The following PTPRJ variants were observed in gnomAD, a reference collection of about 807,000 sequenced individuals.
The protein encoded by PTPRJ is receptor-type tyrosine-protein phosphatase eta.
Under a neutral mutation model 141.3 loss-of-function variants are expected in PTPRJ, and 129 were observed. The observed-to-expected ratio is 0.91, with a 90% confidence interval of 0.79 to 1.06. The LOEUF (loss-of-function observed/expected upper bound fraction) is 1.06, where lower values mean the gene tolerates loss of function less well. Ranked by LOEUF, PTPRJ falls within the 50% of genes least tolerant of loss-of-function variation. The pLI is 0.00. For synonymous variants in PTPRJ, 610 were observed against 640.5 expected, an observed-to-expected ratio of 0.95 and a Z score of 0.72; for missense variants, 1,601 against 1,679.7, an observed-to-expected ratio of 0.95 and a Z score of 0.82.
intron 7 of PTPRJ, among the ~76,000 whole-genome samples, chr11:48,130,102 T>C (rs1034992419): frequency 1.1e-4 from 16 of 151,064 alleles, no homozygotes; most frequent in African/African-American, 3.9e-4. Context: ...TGTCCCTCCC[T>C]GAACAGAGGC....
rs973128914 is a variant in PTPRJ at position 48,056,712 on chromosome 11, G to A, written c.97-53346G>A. ...TCATGCCCGTAATCCCAGCACTTTG[G>A]GAGGCCGAGGTAGGCGGATCATCTG... On this transcript the variant is annotated intron_variant, in intron 1 of 24. Transcript: ENST00000418331. Among the ~76,000 whole-genome samples the A allele has an allele frequency of 2.6e-5, 4 of 152,266 alleles. No individual in the cohort carries two copies. The South Asian group carries it at 6.2e-4, about 24-fold the overall frequency.
intron 1 of PTPRJ, among the ~76,000 whole-genome samples, chr11:48,029,820 C>T (rs1235207854): frequency 3.3e-5 from 5 of 152,166 alleles, no homozygotes; most frequent in African/African-American, 9.6e-5. Context: ...TCTTTAGCTG[C>T]GTAAGAGAAA....
chr11:48,079,723 C>T (rs937958259), intron 1 of PTPRJ, among the ~76,000 whole-genome samples: 1 of 152,084 alleles, frequency 6.6e-6, no homozygotes, highest in African/African-American at 2.4e-5. Flanking sequence ...GGTGTTGGAG[C>T]TCTTTGTTTC....
chr11:48,150,220 G>A, intron 18 of PTPRJ, 37 bp downstream of exon 18: 1 of 1,580,824 alleles, frequency 6.3e-7, no homozygotes, highest in Non-Finnish European at 8.7e-7. Flanking sequence ...ATTGTGTCAG[G>A]TTCCAACCCA....
At chr11:48,084,500 C>T (rs1347558228) in intron 1 of PTPRJ, among the ~76,000 whole-genome samples, 2 of 152,098 alleles carry the variant, frequency 1.3e-5, no homozygotes, top group African/African-American at 4.8e-5. Context: ...AAATTTCTGG[C>T]CCATGTCCCC....
At chr11:47,987,115 G>A (rs1175923828) in intron 1 of PTPRJ, among the ~76,000 whole-genome samples, 3 of 152,060 alleles carry the variant, frequency 2.0e-5, no homozygotes, top group Non-Finnish European at 4.4e-5. Flanking sequence ...GGCTGAGTTG[G>A]GAGGATGGCT....
chr11:48,139,919 C>T (rs1382573563), intron 11 of PTPRJ, 143 bp downstream of exon 11: 1 of 875,246 alleles, frequency 1.1e-6, no homozygotes, highest in African/African-American at 1.7e-5. Context: ...CTGACATAGA[C>T]TGGTTTCTCA....
intron 1 of PTPRJ, among the ~76,000 whole-genome samples, chr11:48,004,385 C>T (rs533783360): frequency 6.6e-6 from 1 of 152,286 alleles, no homozygotes; most frequent in South Asian, 2.1e-4. Context: ...GAATTAAGGA[C>T]ATCGTTTTGT....
intron 1 of PTPRJ, among the ~76,000 whole-genome samples, chr11:48,105,481 A>C (rs1397166572): frequency 6.6e-6 from 1 of 152,162 alleles, no homozygotes; most frequent in African/African-American, 2.4e-5. Context: ...TCAGTGAGGC[A>C]AGAAGAAGGC....
rs180805333 is a variant in PTPRJ at position 48,159,135 on chromosome 11, G to C, written c.3439-795G>C. 2.7e-3 allele frequency among the ~76,000 whole-genome samples: 26 copies of C among 9,808 alleles called. 1 individual carries two copies. Among genetic ancestry groups the C allele is most frequent in the Admixed American group, 6.9e-3 (6 of 868 alleles). 6.4% of individuals were successfully genotyped at this position (9,808 alleles called of 152,430 possible). ...GTGTGTATGTGGGGTGTGTGTGTGT[G>C]TGTGTGTGTGTGTGTGTGTGTGTGT... is the stretch of plus-strand genomic sequence containing the variant. On this transcript the variant is annotated intron_variant, in intron 21 of 24. Transcript: ENST00000418331.
At chr11:48,007,434 TC>T (rs1305191710) in intron 1 of PTPRJ, among the ~76,000 whole-genome samples, 2 of 150,908 alleles carry the variant, frequency 1.3e-5, no homozygotes, top group Non-Finnish European at 2.9e-5. Flanking sequence ...CTTTTTTTTT[TC>T]CTCACTGTGT....
chr11:48,025,318 T>TTG lies in PTPRJ; in HGVS notation c.96+44311_96+44312insGT, dbSNP rs563478771. Among the ~76,000 whole-genome samples the TTG allele has an allele frequency of 8.7e-3, 1,330 of 152,344 alleles. 13 individuals are homozygous for TTG. Among genetic ancestry groups the TTG allele is most frequent in the Non-Finnish European group, 0.015 (989 of 68,034 alleles). On this transcript the variant is annotated intron_variant, in intron 1 of 24. Coordinates refer to ENST00000418331, the MANE Select transcript of PTPRJ (RefSeq NM_002843.4). ...CCAAAGGGAGCAGCTGCCAGTCGGC[T>TTG]TCTTGCGATGTGAAAGTACAGCCCC...
intron 1 of PTPRJ, among the ~76,000 whole-genome samples, chr11:47,989,135 G>A (rs563729691): frequency 4.7e-4 from 71 of 151,578 alleles, no homozygotes; most frequent in African/African-American, 1.5e-3. Context: ...CGCCCGCCTC[G>A]GCCTCCCAAA....
chr11:48,162,195 T>C (rs543432003), intron 22 of PTPRJ, among the ~76,000 whole-genome samples: 2 of 152,294 alleles, frequency 1.3e-5, no homozygotes, highest in African/African-American at 4.8e-5. Flanking sequence ...ACAAAATGCC[T>C]GAATACATTT....
At chr11:48,167,119 G>T in intron 24 of PTPRJ, 85 bp from the exon 25 acceptor site, 2 of 1,333,320 alleles carry the variant, frequency 1.5e-6, no homozygotes, top group South Asian at 1.3e-5. Context: ...TTGGGCGGGG[G>T]AATGACCTGT....
chr11:48,040,248 G>A (rs1473807268), intron 1 of PTPRJ, among the ~76,000 whole-genome samples: 2 of 152,220 alleles, frequency 1.3e-5, no homozygotes, highest in African/African-American at 4.8e-5. Flanking sequence ...ACAGCACCAG[G>A]AACTCCATCA....
At chr11:48,047,131 G>A (rs945866853) in intron 1 of PTPRJ, among the ~76,000 whole-genome samples, 13 of 151,902 alleles carry the variant, frequency 8.6e-5, no homozygotes, top group African/African-American at 3.1e-4. Flanking sequence ...GGCCAGGCTG[G>A]TCTTGAACTC....
chr11:48,093,796 A>G (rs1194602221), intron 1 of PTPRJ, among the ~76,000 whole-genome samples: 1 of 150,116 alleles, frequency 6.7e-6, no homozygotes, highest in African/African-American at 2.4e-5. Flanking sequence ...GCTGCCCTAA[A>G]AAAAAAAAAA....
At chr11:48,015,483 C>G (rs145981308) in intron 1 of PTPRJ, among the ~76,000 whole-genome samples, 243 of 152,218 alleles carry the variant, frequency 1.6e-3, no homozygotes, top group Non-Finnish European at 3.1e-3. Flanking sequence ...TTTTGCCTTG[C>G]CTGGTTCTCT....
Sources: allele counts gnomAD v4.1 joint callset (sites outside exome capture counted in the v4.1 genomes callset), GRCh38; gene constraint gnomAD v4.1.1; transcripts MANE v1.5; gene names NCBI Gene and HGNC (gene_info 2026-07-23, HGNC 2026-07-21).